Variants in SPAG16 observed in about 807,000 individuals in gnomAD.
SPAG16 encodes sperm-associated antigen 16 protein.
Under a neutral mutation model 80.4 loss-of-function variants are expected in SPAG16, and 86 were observed. The ratio of observed to expected loss-of-function variants is 1.07; its 90% CI spans 0.90 to 1.28. SPAG16 has a LOEUF of 1.28. Ranked by LOEUF, SPAG16 falls within the 50% of genes most tolerant of loss-of-function variation. The pLI, the probability that SPAG16 is intolerant of heterozygous loss-of-function variation, is 0.00. For synonymous variants in SPAG16, 294 were observed against 265.9 expected, an observed-to-expected ratio of 1.11 and a Z score of -1.03; for missense variants, 870 against 765.3, an observed-to-expected ratio of 1.14 and a Z score of -1.61.
At chr2:214,342,817 A>G (rs911300610) in intron 15 of SPAG16, among the ~76,000 whole-genome samples, 1 of 152,158 alleles carries the variant, frequency 6.6e-6, no homozygotes, top group Non-Finnish European at 1.5e-5. Context: ...GCCTATTATT[A>G]AACATATTTA....
intron 10 of SPAG16, among the ~76,000 whole-genome samples, chr2:213,718,647 G>A (rs1574927952): frequency 2.0e-5 from 3 of 152,292 alleles, no homozygotes; most frequent in Admixed American, 1.3e-4. Flanking sequence ...CAGTGGCTGC[G>A]GAGGGTGTAC....
chr2:213,859,711 A>G (rs1158978772), intron 10 of SPAG16, among the ~76,000 whole-genome samples: 2 of 152,166 alleles, frequency 1.3e-5, no homozygotes, highest in African/African-American at 4.8e-5. Flanking sequence ...TACCAAATGT[A>G]AGCTTGGGCA....
At chr2:213,883,449 A>G (rs2076428996) in intron 11 of SPAG16, among the ~76,000 whole-genome samples, 1 of 152,174 alleles carries the variant, frequency 6.6e-6, no homozygotes, top group South Asian at 2.1e-4. Flanking sequence ...ATCTTAGAGT[A>G]TATTCCATGT....
intron 11 of SPAG16, among the ~76,000 whole-genome samples, chr2:213,878,494 G>T (rs773675015): frequency 2.6e-5 from 4 of 151,926 alleles, no homozygotes; most frequent in Non-Finnish European, 5.9e-5. Flanking sequence ...TTTTATTGGG[G>T]CTATTGGGAA....
intron 10 of SPAG16, among the ~76,000 whole-genome samples, chr2:213,562,212 A>T (rs969746114): frequency 6.6e-6 from 1 of 152,236 alleles, no homozygotes; most frequent in African/African-American, 2.4e-5. Context: ...GACATTTTGC[A>T]GGTAGGGGAG....
At chr2:213,949,642 G>A (rs2106318805) in intron 12 of SPAG16, among the ~76,000 whole-genome samples, 1 of 152,212 alleles carries the variant, frequency 6.6e-6, no homozygotes, top group Non-Finnish European at 1.5e-5. Flanking sequence ...TTTTGACTGA[G>A]GACTGACAGA....
chr2:213,519,107 A>G lies in SPAG16; in HGVS notation c.1070+29017A>G, dbSNP rs370009709. 6.6e-5 allele frequency among the ~76,000 whole-genome samples: 10 copies of G among 152,312 alleles called. No individual in the cohort carries two copies. In the East Asian group the frequency reaches 1.2e-3, roughly 18 times the overall value. ...GTCAAAAAACTGCCTATTGCATACT[A>G]TGCTCACTACCCGAGTGCAATATAC... On this transcript the variant is annotated intron_variant, in intron 10 of 15. Coordinates refer to ENST00000331683, the MANE Select transcript of SPAG16 (RefSeq NM_024532.5).
intron 12 of SPAG16, among the ~76,000 whole-genome samples, chr2:213,995,303 A>G (rs1202011913): frequency 6.6e-6 from 1 of 152,192 alleles, no homozygotes; most frequent in Non-Finnish European, 1.5e-5. Context: ...CCAAGGAAGT[A>G]TAAGGCGGGG....
chr2:213,322,335 A>C (rs2063653393), intron 5 of SPAG16, among the ~76,000 whole-genome samples: 1 of 30,374 alleles, frequency 3.3e-5, no homozygotes, highest in Admixed American at 3.5e-4. Context: ...TAGACAATGC[A>C]AAAAAAAAAA....
intron 13 of SPAG16, among the ~76,000 whole-genome samples, chr2:214,080,766 G>A (rs1041369172): frequency 1.3e-5 from 2 of 152,032 alleles, no homozygotes; most frequent in Non-Finnish European, 2.9e-5. Flanking sequence ...TCAGACTAAA[G>A]TACCCAATCA....
chr2:214,351,376 TTGTCTGTG>T (rs914699088), intron 15 of SPAG16, among the ~76,000 whole-genome samples: 2 of 151,322 alleles, frequency 1.3e-5, no homozygotes, highest in African/African-American at 4.9e-5. Context: ...ACAGATAGGA[TTGTCTGTG>T]TGTCTGTGTG....
At chr2:213,330,789 G>A (rs894992277) in intron 5 of SPAG16, among the ~76,000 whole-genome samples, 2 of 152,146 alleles carry the variant, frequency 1.3e-5, no homozygotes, top group Non-Finnish European at 2.9e-5. Flanking sequence ...CATGTGTTGT[G>A]GGAGGGACCC....
chr2:214,360,962 CAG>C (rs1699146375), intron 15 of SPAG16, among the ~76,000 whole-genome samples: 1 of 151,852 alleles, frequency 6.6e-6, no homozygotes. Flanking sequence ...AAATCTACCA[CAG>C]CCTGGGACAA....
At chr2:213,413,404 A>G (rs549018997) in intron 9 of SPAG16, among the ~76,000 whole-genome samples, 91 of 152,226 alleles carry the variant, frequency 6.0e-4, no homozygotes, top group African/African-American at 2.1e-3. Flanking sequence ...ATATGTGTGC[A>G]TATGTGTCTA....
At chr2:213,978,113 C>T (rs946711157) in intron 12 of SPAG16, among the ~76,000 whole-genome samples, 4 of 151,726 alleles carry the variant, frequency 2.6e-5, no homozygotes, top group South Asian at 2.1e-4. Flanking sequence ...TTTAGAGTCA[C>T]GTCATTGGAT....
At chr2:213,345,863 G>A (rs1468309311) in intron 6 of SPAG16, among the ~76,000 whole-genome samples, 1 of 152,162 alleles carries the variant, frequency 6.6e-6, no homozygotes, top group South Asian at 2.1e-4. Flanking sequence ...TAGCAATGCA[G>A]GCTCTTTTTT....
At chr2:213,612,020 A>G (rs1307231678) in intron 10 of SPAG16, among the ~76,000 whole-genome samples, 1 of 152,154 alleles carries the variant, frequency 6.6e-6, no homozygotes, top group Non-Finnish European at 1.5e-5. Flanking sequence ...AAAAGTTGCA[A>G]TGCTTTATGT....
At chr2:214,369,058 G>GTA (rs1330970274) in intron 15 of SPAG16, among the ~76,000 whole-genome samples, 9 of 151,716 alleles carry the variant, frequency 5.9e-5, no homozygotes, top group African/African-American at 1.7e-4. Context: ...TAGTCCTATT[G>GTA]TATATATATA....
intron 11 of SPAG16, among the ~76,000 whole-genome samples, chr2:213,890,354 G>A (rs1015597428): frequency 1.3e-5 from 2 of 151,890 alleles, no homozygotes; most frequent in Admixed American, 6.6e-5. Flanking sequence ...TGTATTTTTC[G>A]TGACATTCAA....
Sources: gnomAD v4.1 joint callset for allele counts (sites outside exome capture counted in the v4.1 genomes callset) on GRCh38, gnomAD v4.1.1 for gene constraint, MANE v1.5 for transcripts, NCBI Gene and HGNC (gene_info 2026-07-23, HGNC 2026-07-21) for gene names.